Variants in MYOM2 observed in about 807,000 individuals in gnomAD.
MYOM2 encodes myomesin 2.
In MYOM2, 254 loss-of-function variants were observed where a neutral mutation model predicts 187.6. That is an observed-to-expected ratio of 1.35 (90% CI 1.22 to 1.50). The LOEUF is 1.50. Among genes scored for constraint, MYOM2 ranks in the 40% most tolerant of loss-of-function variants. The pLI, the probability that MYOM2 is intolerant of heterozygous loss-of-function variation, is 0.00. For synonymous variants in MYOM2, 981 were observed against 753.8 expected, an observed-to-expected ratio of 1.30 and a Z score of -4.94; for missense variants, 2,796 against 1,924.0, an observed-to-expected ratio of 1.45 and a Z score of -8.48.
At chr8:2,102,580 A>G in intron 20 of MYOM2, 87 bp from the exon 21 acceptor site, 3 of 768,522 alleles carry the variant, frequency 3.9e-6, no homozygotes, top group Non-Finnish European at 4.2e-6. Context: ...ATTTTTGAAA[A>G]GGCCCTATTC....
At chr8:2,134,261 T>A (rs975693746) in intron 32 of MYOM2, among the ~76,000 whole-genome samples, 3 of 152,056 alleles carry the variant, frequency 2.0e-5, no homozygotes, top group African/African-American at 4.8e-5. Context: ...TCTCCTCGTC[T>A]CTCTCGGCCT....
intron 23 of MYOM2, among the ~76,000 whole-genome samples, chr8:2,108,536 C>A (rs1796966541): frequency 6.6e-6 from 1 of 152,108 alleles, no homozygotes. Flanking sequence ...CCTACCCCTG[C>A]CCCCAATTCC....
chr8:2,124,166 T>C lies in MYOM2; in HGVS notation c.3656-13T>C. 6.2e-7 allele frequency: 1 copy of C among 1,610,542 alleles called. No individual in the cohort carries two copies. Among genetic ancestry groups the C allele is most frequent in the South Asian group, 1.1e-5 (1 of 90,434 alleles). On this transcript the variant is annotated splice_polypyrimidine_tract_variant and intron_variant, in intron 30 of 36. Transcript: ENST00000262113. The stretch of plus-strand genomic sequence containing the variant: ...TACATGTCGTAATGGTGCGTATCCC[T>C]TCTCATTTTCAGTGTATGATGATAT...
intron 17 of MYOM2, among the ~76,000 whole-genome samples, chr8:2,094,312 T>C (rs145476505): frequency 9.2e-5 from 13 of 141,686 alleles, no homozygotes; most frequent in African/African-American, 3.3e-4. Flanking sequence ...AAAACGCAAA[T>C]TAAAAATAGA....
chr8:2,079,020 C>G, intron 12 of MYOM2, 87 bp downstream of exon 12: 1 of 1,305,192 alleles, frequency 7.7e-7, no homozygotes, highest in Non-Finnish European at 1.1e-6. Context: ...CCTCCCAACT[C>G]GATGTGAGCC....
intron 11 of MYOM2, among the ~76,000 whole-genome samples, chr8:2,077,967 G>A (rs1399812040): frequency 6.6e-6 from 1 of 152,098 alleles, no homozygotes; most frequent in Non-Finnish European, 1.5e-5. Flanking sequence ...TAAAAGTGCT[G>A]GATACTTAGG....
At chr8:2,056,121 GA>G (rs1818655951) in intron 3 of MYOM2, among the ~76,000 whole-genome samples, 1 of 152,162 alleles carries the variant, frequency 6.6e-6, no homozygotes. Flanking sequence ...TTTCTCCTGG[GA>G]AGGATAAAAT....
chr8:2,078,446 TA>T (rs1176906265), intron 11 of MYOM2, among the ~76,000 whole-genome samples: 1 of 152,206 alleles, frequency 6.6e-6, no homozygotes, highest in African/African-American at 2.4e-5. Flanking sequence ...GATTTTTGCC[TA>T]AATGTGTTTG....
intron 18 of MYOM2, among the ~76,000 whole-genome samples, chr8:2,096,809 G>A (rs1017682307): frequency 3.3e-5 from 5 of 152,170 alleles, no homozygotes; most frequent in Admixed American, 3.3e-4. Context: ...TGTCTGTTTA[G>A]GAAGAGAGTA....
intron 32 of MYOM2, among the ~76,000 whole-genome samples, chr8:2,136,666 G>A (rs1798083211): frequency 6.6e-6 from 1 of 152,190 alleles, no homozygotes; most frequent in Non-Finnish European, 1.5e-5. Context: ...CCCAGCCGGT[G>A]TGTCCAATTA....
intron 16 of MYOM2, 83 bp from the exon 17 acceptor site, chr8:2,093,887 G>A (rs906555913): frequency 5.4e-5 from 83 of 1,537,822 alleles, no homozygotes; most frequent in Non-Finnish European, 6.3e-5. Context: ...TTTTTATGGC[G>A]CGTTCAGGGT....
intron 13 of MYOM2, chr8:2,081,910 T>G (rs999914613): frequency 1.3e-5 from 2 of 152,394 alleles, no homozygotes; most frequent in Non-Finnish European, 2.9e-5. Flanking sequence ...GTGTTTTCCT[T>G]GCTTTCAGCA....
At chr8:2,136,694 C>T (rs1396867235) in intron 32 of MYOM2, among the ~76,000 whole-genome samples, 2 of 152,080 alleles carry the variant, frequency 1.3e-5, no homozygotes, top group Non-Finnish European at 2.9e-5. Flanking sequence ...GTCAGGAGGC[C>T]GGTGGGACAC....
chr8:2,098,633 T>C (rs1796576666), intron 18 of MYOM2, among the ~76,000 whole-genome samples: 1 of 152,180 alleles, frequency 6.6e-6, no homozygotes, highest in Admixed American at 6.5e-5. Context: ...ACTCAATCAC[T>C]TTGGGAAATC....
At chr8:2,112,888 T>C (rs1169786911) in intron 25 of MYOM2, among the ~76,000 whole-genome samples, 1 of 152,158 alleles carries the variant, frequency 6.6e-6, no homozygotes, top group Non-Finnish European at 1.5e-5. Context: ...AGGAGTGTGG[T>C]TCCAAGGGCT....
intron 34 of MYOM2, 142 bp downstream of exon 34, chr8:2,141,319 A>G (rs1293890695): frequency 4.7e-6 from 3 of 636,010 alleles, no homozygotes; most frequent in Admixed American, 2.7e-5. Flanking sequence ...AATTTAAGCA[A>G]TGCAGTATAT....
intron 28 of MYOM2, 84 bp downstream of exon 28, chr8:2,118,036 A>G (rs921611291): frequency 7.4e-6 from 9 of 1,223,840 alleles, no homozygotes; most frequent in Non-Finnish European, 1.1e-5. Context: ...AGCTGTGGCC[A>G]GATCTGTGAT....
intron 32 of MYOM2, among the ~76,000 whole-genome samples, chr8:2,136,583 C>T (rs1798079156): frequency 6.6e-6 from 1 of 152,168 alleles, no homozygotes; most frequent in Non-Finnish European, 1.5e-5. Flanking sequence ...ATAAGTCACT[C>T]CAAAGGCCTA....
At chr8:2,058,785 G>C (rs1226901319) in intron 5 of MYOM2, among the ~76,000 whole-genome samples, 1 of 152,154 alleles carries the variant, frequency 6.6e-6, no homozygotes, top group Non-Finnish European at 1.5e-5. Flanking sequence ...GGGTCAGTGC[G>C]TTAGGTCCCG....
Sources: allele counts gnomAD v4.1 joint callset (sites outside exome capture counted in the v4.1 genomes callset), GRCh38; gene constraint gnomAD v4.1.1; transcripts MANE v1.5; gene names NCBI Gene and HGNC (gene_info 2026-07-23, HGNC 2026-07-21).